The following MRPL15 variants were observed in gnomAD, a reference collection of about 807,000 sequenced individuals.
MRPL15 encodes mitochondrial ribosomal protein L15, also known as large ribosomal subunit protein uL15m.
A neutral mutation model predicts 28.0 loss-of-function variants in MRPL15; 24 were observed. The ratio of observed to expected loss-of-function variants is 0.86; its 90% CI spans 0.62 to 1.21. MRPL15 has a LOEUF of 1.21. Among genes scored for constraint, MRPL15 ranks in the 50% most tolerant of loss-of-function variants. The pLI is 0.00. For missense variants in MRPL15, 343 were observed against 372.4 expected, an observed-to-expected ratio of 0.92 and a Z score of 0.65; for synonymous variants, 124 against 137.0, an observed-to-expected ratio of 0.90 and a Z score of 0.66.
Position 54,147,941 on chromosome 8 carries a change from C to T in MRPL15, c.*222C>T, listed in dbSNP as rs2129240651. On this transcript the variant is annotated 3_prime_UTR_variant, in exon 5 of 5. Transcript: ENST00000260102. ...GTTCTGTCTCAAAGATACAAACTCC[C>T]TGATAGTCTATGGAAGGAAAATGAC... is the stretch of plus-strand genomic sequence containing the variant. 1 of 473,824 alleles carries T rather than the reference C, an allele frequency of 2.1e-6. No individual in the cohort carries two copies. The highest frequency in any genetic ancestry group is 4.4e-5 in the South Asian group (1 of 22,672). The allele number at this position is 473,824 out of a possible 1,614,324, so 29.4% of individuals were successfully genotyped here.
Position 54,147,158 on chromosome 8 carries a change from T to C in MRPL15, c.554-224T>C, listed in dbSNP as rs1811057574. Among the ~76,000 whole-genome samples the C allele has an allele frequency of 3.9e-5, 6 of 151,978 alleles. 1 individual carries two copies. The South Asian group carries it at 1.0e-3, about 26-fold the overall frequency. ...GAGGCAGGAGAATTGCTTGAACCCATGAGGCAGAGGTTGCAGTGAGCCGAG... is the reference window on the plus strand; with the variant it reads ...GAGGCAGGAGAATTGCTTGAACCCACGAGGCAGAGGTTGCAGTGAGCCGAG... On this transcript the variant is annotated intron_variant, in intron 4 of 4. Transcript: ENST00000260102.
intron 4 of MRPL15, among the ~76,000 whole-genome samples, chr8:54,144,674 G>C (rs922622256): frequency 4.6e-5 from 7 of 152,074 alleles, no homozygotes; most frequent in African/African-American, 1.7e-4. Context: ...GGGAGACTAA[G>C]GCAGGAGAAT....
chr8:54,135,337 C>A lies in MRPL15; in HGVS notation c.54C>A (p.Gly18=). 6.7e-7 allele frequency: 1 copy of A among 1,500,080 alleles called. No individual in the cohort carries two copies. The highest frequency in any genetic ancestry group is 8.9e-7 in the Non-Finnish European group (1 of 1,121,044). The allele number at this position is 1,500,080 out of a possible 1,614,324, so 92.9% of individuals were successfully genotyped here. A position where few individuals can be genotyped will look rare whatever the true frequency, so the allele number is the denominator to read the frequency against. ...CCCGGGCCCTGGACCTACTCCGGGG[C>A]CTGCCGCGTGTGAGCCTGGCCAACT... ...GGARALDLLR[G]LPRVSLANLK... is the part of the protein sequence containing the mutation. Residue 18 remains glycine (G), a synonymous_variant, in exon 1 of 5, where the codon GGC becomes GGA. Transcript: ENST00000260102.
In MRPL15 at chr8:54,148,424, G is replaced by A. The variant is rs561337907; in HGVS notation, c.*705G>A. On this transcript the variant is annotated 3_prime_UTR_variant, in exon 5 of 5. Transcript: ENST00000260102. ...TCTGACCTGGGGTTCTTGGCCTCAC[G>A]GATTCCAAAGAATGGAACCTTGGGC... Among the ~76,000 whole-genome samples, 5 of 152,132 alleles carry A rather than the reference G, an allele frequency of 3.3e-5. No individual in the cohort carries two copies. Among genetic ancestry groups the A allele is most frequent in the East Asian group, 3.9e-4 (2 of 5,190 alleles).
At chr8:54,138,103 C>T (rs534251532) in intron 3 of MRPL15, among the ~76,000 whole-genome samples, 7 of 151,196 alleles carry the variant, frequency 4.6e-5, no homozygotes, top group South Asian at 4.2e-4. Flanking sequence ...TATAGTCGTG[C>T]GCCACCACAC....
chr8:54,138,719 A>G (rs1012526583), intron 3 of MRPL15, among the ~76,000 whole-genome samples: 2 of 152,136 alleles, frequency 1.3e-5, no homozygotes, highest in Non-Finnish European at 2.9e-5. Flanking sequence ...CTTTGAATAT[A>G]TATGAGCACT....
At chr8:54,143,376 A>G (rs6473914) in intron 4 of MRPL15, among the ~76,000 whole-genome samples, 50,661 of 151,786 alleles carry the variant, frequency 0.33, 11,043 homozygotes, top group East Asian at 0.72. Context: ...ACCACGCCCA[A>G]CCCCTCTTTT....
rs953066730 is a variant in MRPL15 at position 54,147,486 on chromosome 8, C to T, written c.658C>T (p.Arg220Cys). ...ACCATATTACACTGATGCAAAGAAC[C>T]GTGGGTACCTGGCGGATCCTGCCAA... ...LVPYYTDAKN[R>C]GYLADPAKFP... The change falls in exon 5 of 5, where the codon CGT (arginine) becomes TGT (cysteine). Residue 220 changes from arginine (R) to cysteine (C), a missense_variant. Coordinates refer to ENST00000260102, the MANE Select transcript of MRPL15 (RefSeq NM_014175.4). 3.1e-6 allele frequency: 5 copies of T among 1,614,124 alleles called. No individual in the cohort carries two copies. Among genetic ancestry groups the T allele is most frequent in the Non-Finnish European group, 3.4e-6 (4 of 1,180,026 alleles).
chr8:54,146,579 T>G (rs1250288190), intron 4 of MRPL15, among the ~76,000 whole-genome samples: 1 of 152,242 alleles, frequency 6.6e-6, no homozygotes, highest in Non-Finnish European at 1.5e-5. Flanking sequence ...AGGTAAACTT[T>G]GTAACTGCTC....
chr8:54,140,121 GC>G (rs1255595149), intron 3 of MRPL15, among the ~76,000 whole-genome samples: 3 of 152,176 alleles, frequency 2.0e-5, no homozygotes, highest in African/African-American at 7.2e-5. Context: ...GCTTTCTATT[GC>G]CATAGAGTGG....
chr8:54,139,500 C>T (rs1407272222), intron 3 of MRPL15, among the ~76,000 whole-genome samples: 1 of 152,094 alleles, frequency 6.6e-6, no homozygotes, highest in Non-Finnish European at 1.5e-5. Context: ...CAGTATTCTA[C>T]CCTGAGTGTA....
intron 3 of MRPL15, among the ~76,000 whole-genome samples, chr8:54,139,787 A>G (rs1489352846): frequency 1.3e-5 from 2 of 152,198 alleles, no homozygotes; most frequent in Non-Finnish European, 2.9e-5. Context: ...ACATGTTCTC[A>G]AGGAAAAGCA....
rs1319237588 is a variant in MRPL15 at position 54,148,410 on chromosome 8, G to A, written c.*691G>A. ...CAAGCCTTTTGTTCTCTGACCTGGG[G>A]TTCTTGGCCTCACGGATTCCAAAGA... On this transcript the variant is annotated 3_prime_UTR_variant, in exon 5 of 5. Coordinates refer to ENST00000260102, the MANE Select transcript of MRPL15 (RefSeq NM_014175.4). Among the ~76,000 whole-genome samples, 1 of 152,210 alleles carries A rather than the reference G, an allele frequency of 6.6e-6. No individual in the cohort carries two copies. The highest frequency in any genetic ancestry group is 6.5e-5 in the Admixed American group (1 of 15,278).
chr8:54,140,623 G>A (rs1487725494), intron 3 of MRPL15, among the ~76,000 whole-genome samples: 6 of 136,722 alleles, frequency 4.4e-5, no homozygotes, highest in Non-Finnish European at 9.1e-5. Context: ...ACCCAGGCTG[G>A]AGTGCAGTGG....
chr8:54,136,091 G>C (rs1293706420), intron 1 of MRPL15, among the ~76,000 whole-genome samples: 1 of 152,252 alleles, frequency 6.6e-6, no homozygotes, highest in Non-Finnish European at 1.5e-5. Context: ...AGGAAATTAA[G>C]GAAAAGATTT....
At chr8:54,145,362 G>A (rs546189391) in intron 4 of MRPL15, among the ~76,000 whole-genome samples, 8 of 152,080 alleles carry the variant, frequency 5.3e-5, no homozygotes, top group African/African-American at 1.9e-4. Flanking sequence ...CTACAGGTGT[G>A]TGCCACCATG....
chr8:54,147,694 A>G lies in MRPL15; in HGVS notation c.866A>G (p.Asn289Ser), dbSNP rs147113313. ...AAAATCCTAAAACCTACAGATGAAA[A>G]TCTCCTTAAGTATTATACCTCATGA... The part of the protein sequence containing the change: ...DKKILKPTDE[N>S]LLKYYTS The change falls in exon 5 of 5, where the codon AAT becomes AGT. Residue 289 changes from asparagine (N) to serine (S), a missense_variant. By Grantham distance (46) the Asn-to-Ser change is conservative. Transcript: ENST00000260102. The G allele has an allele frequency of 3.1e-4, 492 of 1,613,028 alleles. No homozygotes were observed. The highest frequency in any genetic ancestry group is 3.9e-4 in the Non-Finnish European group (464 of 1,179,660).
chr8:54,137,538 C>T, intron 3 of MRPL15, 105 bp downstream of exon 3: 1 of 1,005,240 alleles, frequency 9.9e-7, no homozygotes, highest in Non-Finnish European at 1.4e-6. Context: ...ATCTCGGCTC[C>T]TGCAACCTCC....
intron 4 of MRPL15, among the ~76,000 whole-genome samples, chr8:54,146,437 A>T (rs1458906011): frequency 6.8e-6 from 1 of 146,544 alleles, no homozygotes; most frequent in Non-Finnish European, 1.5e-5. Context: ...ACAGAGCGAG[A>T]CTTTGTCTCA....
Sources: gnomAD v4.1 joint callset for allele counts (sites outside exome capture counted in the v4.1 genomes callset) on GRCh38, gnomAD v4.1.1 for gene constraint, MANE v1.5 for transcripts, NCBI Gene and HGNC (gene_info 2026-07-23, HGNC 2026-07-21) for gene names.